Variants in NOS1 observed in about 807,000 individuals in gnomAD.
The protein encoded by NOS1 is nitric oxide synthase 1, also known as NOS type I.
In NOS1, 51 loss-of-function variants were observed where a neutral mutation model predicts 164.5. That is an observed-to-expected ratio of 0.31 (90% CI 0.25 to 0.39). The LOEUF is 0.39. NOS1 is among the 10% of genes least tolerant of loss of function. The pLI is 1.00. For missense variants in NOS1, 1,362 were observed against 1,885.6 expected (o/e 0.72, Z 5.14); for synonymous variants, 719 against 745.8 (o/e 0.96, Z 0.59).
At position 117,234,037 on chromosome 12, in the gene NOS1, C is replaced by T. The variant is rs1869494627; in HGVS notation, c.3235+528G>A. Among the ~76,000 whole-genome samples, 1 of 152,060 alleles carries T rather than the reference C, an allele frequency of 6.6e-6. No homozygotes were observed. Among genetic ancestry groups the T allele is most frequent in the Admixed American group, 6.6e-5 (1 of 15,266 alleles). ...GTGCTCCTGGATGAAGCACTGAGAC[C>T]CATTTGCCTTTGAAAGTTCTTCAAT... On this transcript the variant is annotated intron_variant, in intron 21 of 28. Transcript: ENST00000317775. This position sits in a 1 kb window ranked among gnomAD's most constrained non-coding sequence, Gnocchi z 4.3.
At position 117,356,489 on chromosome 12, in the gene NOS1, G is replaced by A. The variant is rs372535898; in HGVS notation, c.-421+5023C>T. Among the ~76,000 whole-genome samples the A allele has an allele frequency of 1.3e-5, 2 of 152,138 alleles. No homozygotes were observed. The highest frequency in any genetic ancestry group is 2.1e-4 in the South Asian group (1 of 4,830). On this transcript the variant is annotated intron_variant, in intron 1 of 28. Transcript: ENST00000317775. This position sits in a 1 kb window ranked among gnomAD's most constrained non-coding sequence, Gnocchi z 4.2. The stretch of plus-strand genomic sequence containing the variant: ...TCCACCTCTCTTGCAGAAACTTCAC[G>A]CCAGGTACAGGGTTTGTCTGGTGCT...
At chr12:117,326,472 C>T (rs1318767624) in intron 2 of NOS1, among the ~76,000 whole-genome samples, 1 of 152,040 alleles carries the variant, frequency 6.6e-6, no homozygotes, top group East Asian at 1.9e-4. Context: ...AAGGAGGACA[C>T]ACACTATGAT....
At chr12:117,261,955 C>T (rs9658414) in intron 13 of NOS1, among the ~76,000 whole-genome samples, 1 of 152,160 alleles carries the variant, frequency 6.6e-6, no homozygotes, top group East Asian at 1.9e-4. Context: ...CACTAGCAGA[C>T]AGGCCAGAGG....
intron 20 of NOS1, among the ~76,000 whole-genome samples, chr12:117,240,455 T>C (rs1870074054): frequency 6.6e-6 from 1 of 152,134 alleles, no homozygotes; most frequent in African/African-American, 2.4e-5. Flanking sequence ...ATGCTAGTTG[T>C]TTTATGTAGC....
At position 117,305,141 on chromosome 12, in the gene NOS1, A is replaced by T. The variant is rs563552042; in HGVS notation, c.852+6325T>A. ...CCCCCTGTGGATGCTTAAACAAGCC[A>T]TAAATGTGGGTTACAACTGGAAGGA... On this transcript the variant is annotated intron_variant, in intron 3 of 28. Transcript: ENST00000317775. The T allele has an allele frequency of 7.9e-4, 721 of 909,654 alleles. 5 individuals are homozygous for T. The African/African-American group carries it at 0.011, about 14-fold the overall frequency. 56.3% of individuals were successfully genotyped at this position (909,654 alleles called of 1,614,324 possible). A position where few individuals can be genotyped will look rare whatever the true frequency, so the allele number is the denominator to read the frequency against.
At chr12:117,238,936 A>G (rs935121486) in intron 20 of NOS1, among the ~76,000 whole-genome samples, 1 of 152,226 alleles carries the variant, frequency 6.6e-6, no homozygotes, top group African/African-American at 2.4e-5. Flanking sequence ...TTTAGACACA[A>G]GCTTAGAAAC....
At chr12:117,338,526 A>G (rs12816421) in intron 1 of NOS1, among the ~76,000 whole-genome samples, 38,967 of 150,970 alleles carry the variant, frequency 0.26, 5,417 homozygotes, top group South Asian at 0.35. Context: ...TGACGAGTTA[A>G]TGGGTGCGGC....
At chr12:117,263,813 T>G in intron 13 of NOS1, 76 bp downstream of exon 13, 1 of 1,101,950 alleles carries the variant, frequency 9.1e-7, no homozygotes, top group Non-Finnish European at 1.4e-6. Context: ...GGCACAGGAG[T>G]CTGCCCAGCC....
At chr12:117,264,037 G>A in intron 12 of NOS1, 63 bp from the exon 13 acceptor site, 2 of 1,362,826 alleles carry the variant, frequency 1.5e-6, no homozygotes, top group East Asian at 2.4e-5. Context: ...TTCCTGTTGG[G>A]GATGCTCAGG....
rs2293053 is a variant in NOS1 at position 117,258,616 on chromosome 12, G to A, written c.2473-161C>T. Among the ~76,000 whole-genome samples, 1,494 of 152,206 alleles carry A rather than the reference G, an allele frequency of 9.8e-3. 34 individuals carry two copies. Among genetic ancestry groups the A allele is most frequent in the East Asian group, 0.056 (291 of 5,182 alleles). On this transcript the variant is annotated intron_variant, in intron 15 of 28. Coordinates refer to ENST00000317775, the MANE Select transcript of NOS1 (RefSeq NM_000620.5). ...GGCTCAGGCTGGACAGTAATGCCTGGGCTACAGACGCAGTGGATACACCTG... is the reference window on the plus strand; with the variant it reads ...GGCTCAGGCTGGACAGTAATGCCTGAGCTACAGACGCAGTGGATACACCTG...
intron 2 of NOS1, among the ~76,000 whole-genome samples, chr12:117,324,720 T>TAAATAAAC (rs921203588): frequency 4.0e-5 from 6 of 151,720 alleles, no homozygotes. Context: ...TGTCTCTAAA[T>TAAATAAAC]AAATAAATAA....
rs1408958576 is a variant in NOS1 at position 117,330,720 on chromosome 12, G to A, written c.350C>T (p.Pro117Leu). ...LETTFTGDGT[P>L]KTIRVTQPLG... ...GGGCTGTGTCACCCGGATGGTCTTGGGGGTCCCATCACCTGTAAAGGTGGT... is the reference window on the plus strand; with the variant it reads ...GGGCTGTGTCACCCGGATGGTCTTGAGGGTCCCATCACCTGTAAAGGTGGT... Residue 117 changes from proline (P) to leucine (L), a missense_variant, in exon 2 of 29, where the codon CCC (proline) becomes CTC (leucine). Transcript: ENST00000317775. This position sits in a 1 kb window ranked among gnomAD's most constrained non-coding sequence, Gnocchi z 4.6. The A allele has an allele frequency of 6.2e-7, 1 of 1,613,980 alleles. No homozygotes were observed. Among genetic ancestry groups the A allele is most frequent in the Admixed American group, 1.7e-5 (1 of 60,028 alleles).
At chr12:117,236,403 G>C (rs1869712292) in intron 20 of NOS1, among the ~76,000 whole-genome samples, 1 of 151,986 alleles carries the variant, frequency 6.6e-6, no homozygotes, top group African/African-American at 2.4e-5. Context: ...CATTATTTTG[G>C]GGGAGGAAAG....
chr12:117,219,541 A>C (rs2135922591), intron 27 of NOS1, among the ~76,000 whole-genome samples: 1 of 152,162 alleles, frequency 6.6e-6, no homozygotes, highest in East Asian at 1.9e-4. Context: ...TCCTGACCTT[A>C]GGTGATCCTC....
intron 1 of NOS1, among the ~76,000 whole-genome samples, chr12:117,332,230 C>G (rs1349848666): frequency 6.6e-6 from 1 of 152,158 alleles, no homozygotes; most frequent in Non-Finnish European, 1.5e-5. Context: ...AAAGACTAAA[C>G]ACGGCAGACA....
Position 117,260,583 on chromosome 12 carries a change from A to G in NOS1, c.2249T>C (p.Met750Thr), listed in dbSNP as rs779617767. 1.9e-6 allele frequency: 3 copies of G among 1,613,964 alleles called. No homozygotes were observed. Among genetic ancestry groups the G allele is most frequent in the Non-Finnish European group, 1.7e-6 (2 of 1,179,900 alleles). Residue 750 changes from methionine (M) to threonine (T), a missense_variant, in exon 14 of 29, where the codon ATG becomes ACG. Transcript: ENST00000317775. ...AEAVKFSAKL[M>T]GQAMAKRVKA... ...CACCCTCTTGGCCATAGCCTGCCCC[A>G]TCAGCTTGGCCGAGAACTTGACAGC...
chr12:117,212,743 G>C lies in NOS1; in HGVS notation c.*2566C>G. 5 of 985,418 alleles carry C rather than the reference G, an allele frequency of 5.1e-6. No individual in the cohort carries two copies. Among genetic ancestry groups the C allele is most frequent in the Non-Finnish European group, 6.0e-6 (5 of 829,942 alleles). The allele number at this position is 985,418 out of a possible 1,614,324, so 61.0% of individuals were successfully genotyped here. On this transcript the variant is annotated 3_prime_UTR_variant, in exon 29 of 29. Transcript: ENST00000317775. ...ATTTTGCACTTAAACGGTTGGCTACGAGGCCTGGATGAAAAGCCACCACGA... is the reference window on the plus strand; with the variant it reads ...ATTTTGCACTTAAACGGTTGGCTACCAGGCCTGGATGAAAAGCCACCACGA...
chr12:117,267,176 G>A (rs1293219716), intron 11 of NOS1, among the ~76,000 whole-genome samples: 1 of 152,238 alleles, frequency 6.6e-6, no homozygotes, highest in Non-Finnish European at 1.5e-5. Context: ...AGAGGACAGT[G>A]ATGGTCCCTA....
At chr12:117,340,185 G>T (rs1300914046) in intron 1 of NOS1, among the ~76,000 whole-genome samples, 2 of 151,860 alleles carry the variant, frequency 1.3e-5, no homozygotes, top group Non-Finnish European at 2.9e-5. Context: ...TTAACTTTTT[G>T]TAGAAACGGT....
Sources: allele counts gnomAD v4.1 joint callset (sites outside exome capture counted in the v4.1 genomes callset), GRCh38; gene constraint gnomAD v4.1.1; non-coding constraint Gnocchi (gnomAD v3.1); transcripts MANE v1.5; gene names NCBI Gene and HGNC (gene_info 2026-07-23, HGNC 2026-07-21).